Variants in PDGFRL observed in about 807,000 individuals in gnomAD.
PDGFRL encodes the protein platelet derived growth factor receptor like.
A neutral mutation model predicts 37.2 loss-of-function variants in PDGFRL; 46 were observed. That is an observed-to-expected ratio of 1.24 (90% CI 0.98 to 1.58). The LOEUF is 1.58. Ranked by LOEUF, PDGFRL falls within the 40% of genes most tolerant of loss-of-function variation. PDGFRL has a pLI of 0.00. For missense variants in PDGFRL, 692 were observed against 467.6 expected (o/e 1.48, Z -4.43); for synonymous variants, 251 against 184.3 (o/e 1.36, Z -2.93).
At chr8:17,595,001 G>A (rs2720533) in intron 2 of PDGFRL, among the ~76,000 whole-genome samples, 130,169 of 151,274 alleles carry the variant, frequency 0.86, 57,697 homozygotes, top group Non-Finnish European at 0.97. Context: ...GATTTACCAC[G>A]TACATTTTTT....
chr8:17,620,901 T>C (rs902108613), intron 2 of PDGFRL, 150 bp from the exon 3 acceptor site: 16 of 408,578 alleles, frequency 3.9e-5, no homozygotes, highest in African/African-American at 2.3e-4. Flanking sequence ...CTAGGGGTGT[T>C]TGACAAGTCA....
intron 4 of PDGFRL, among the ~76,000 whole-genome samples, chr8:17,630,879 C>T (rs769788601): frequency 1.6e-4 from 24 of 152,120 alleles, no homozygotes; most frequent in Non-Finnish European, 3.2e-4. Flanking sequence ...CCTGGACCCT[C>T]AGCTGGAGGC....
At chr8:17,633,363 G>T (rs1034766071) in intron 4 of PDGFRL, among the ~76,000 whole-genome samples, 1 of 152,156 alleles carries the variant, frequency 6.6e-6, no homozygotes, top group Non-Finnish European at 1.5e-5. Flanking sequence ...AGGAGTTTGA[G>T]GCTGCAGAGA....
intron 3 of PDGFRL, among the ~76,000 whole-genome samples, chr8:17,622,858 G>T (rs1041638077): frequency 6.6e-6 from 1 of 152,246 alleles, no homozygotes; most frequent in African/African-American, 2.4e-5. Flanking sequence ...CATCCTTTCA[G>T]TGTACCTGCA....
chr8:17,598,290 A>T (rs928963356), intron 2 of PDGFRL, among the ~76,000 whole-genome samples: 2 of 152,212 alleles, frequency 1.3e-5, no homozygotes, highest in African/African-American at 4.8e-5. Context: ...CTTATCTGGA[A>T]TGTGAATATA....
intron 5 of PDGFRL, among the ~76,000 whole-genome samples, chr8:17,635,596 A>G (rs35764435): frequency 0.016 from 2,390 of 152,226 alleles, 30 homozygotes; most frequent in Non-Finnish European, 0.026. Context: ...ATGTGTTCAA[A>G]TATCTTTTTC....
intron 2 of PDGFRL, among the ~76,000 whole-genome samples, chr8:17,611,702 T>C (rs1020418917): frequency 2.0e-5 from 3 of 152,140 alleles, no homozygotes; most frequent in African/African-American, 7.2e-5. Context: ...GGTGGTAACG[T>C]GCAATTCTGT....
chr8:17,608,768 A>G (rs1348656126), intron 2 of PDGFRL, among the ~76,000 whole-genome samples: 1 of 152,212 alleles, frequency 6.6e-6, no homozygotes, highest in Admixed American at 6.5e-5. Context: ...GCAACAGAAG[A>G]CAGTGTGTGG....
Position 17,640,195 on chromosome 8 carries a change from T to C in PDGFRL, c.940-2418T>C, listed in dbSNP as rs565795511. ...TTTCCCTTCATATCCTGTATCTTTT[T>C]TGATTTAATTAAGTTGGAGTTCACC... On this transcript the variant is annotated intron_variant, in intron 5 of 5. Coordinates refer to ENST00000251630, the MANE Select transcript of PDGFRL (RefSeq NM_001372073.1). 1.1e-4 allele frequency among the ~76,000 whole-genome samples: 17 copies of C among 149,156 alleles called. No individual in the cohort carries two copies. In the East Asian group the frequency reaches 2.9e-3, roughly 25 times the overall value.
At chr8:17,637,923 C>A (rs1186444846) in intron 5 of PDGFRL, among the ~76,000 whole-genome samples, 2 of 11,690 alleles carry the variant, frequency 1.7e-4, no homozygotes, top group African/African-American at 4.2e-4. Context: ...TATCTTGTTT[C>A]ATTTCTAACT....
chr8:17,621,218 C>T lies in PDGFRL; in HGVS notation c.505+16C>T. ...TTTTTTACAGGTAAAATACTTGGTG[C>T]ATTAATGGAACTCTTCAAACTTCTG... On this transcript the variant is annotated intron_variant, in intron 3 of 5. Coordinates refer to ENST00000251630, the MANE Select transcript of PDGFRL (RefSeq NM_001372073.1). The T allele has an allele frequency of 6.3e-7, 1 of 1,581,116 alleles. No individual in the cohort carries two copies.
At chr8:17,628,852 T>A (rs1232763168) in intron 4 of PDGFRL, 72 bp downstream of exon 4, 1 of 1,003,914 alleles carries the variant, frequency 1.0e-6, no homozygotes, top group Non-Finnish European at 1.5e-6. Context: ...GTTCCCTGCC[T>A]GCAGATGGAA....
chr8:17,597,219 G>GT (rs1227640933), intron 2 of PDGFRL, among the ~76,000 whole-genome samples: 1 of 152,078 alleles, frequency 6.6e-6, no homozygotes, highest in Non-Finnish European at 1.5e-5. Context: ...CTGGCTTTCG[G>GT]TAAGTTGGCC....
Position 17,611,304 on chromosome 8 carries a change from G to T in PDGFRL, c.354-9747G>T, listed in dbSNP as rs545248119. ...GGGAGGCAAAAAGTAAGGACTCTTA[G>T]ATAAGTTATTCAACCCACTTTCACT... is the stretch of plus-strand genomic sequence containing the variant. On this transcript the variant is annotated intron_variant, in intron 2 of 5. Coordinates refer to ENST00000251630, the MANE Select transcript of PDGFRL (RefSeq NM_001372073.1). Among the ~76,000 whole-genome samples the T allele has an allele frequency of 2.6e-5, 4 of 152,358 alleles. No individual in the cohort carries two copies. The East Asian group carries it at 5.8e-4, about 22-fold the overall frequency.
chr8:17,586,904 C>A (rs1278644346), intron 1 of PDGFRL, among the ~76,000 whole-genome samples: 1 of 152,154 alleles, frequency 6.6e-6, no homozygotes, highest in Non-Finnish European at 1.5e-5. Context: ...TTGAATTTTG[C>A]CACCTATTTC....
chr8:17,595,014 T>C (rs201911338), intron 2 of PDGFRL, among the ~76,000 whole-genome samples: 4,235 of 152,286 alleles, frequency 0.028, 149 homozygotes, highest in African/African-American at 0.079. Context: ...CATTTTTTTT[T>C]TTTCCTGATG....
At chr8:17,609,656 A>AAAAAAAAAAAAAAAAAAC (rs1804364653) in intron 2 of PDGFRL, among the ~76,000 whole-genome samples, 1 of 102,334 alleles carries the variant, frequency 9.8e-6, no homozygotes, top group African/African-American at 3.4e-5. Flanking sequence ...AAAAAAAAAA[A>AAAAAAAAAAAAAAAAAAC]AAAAAAAAAT....
intron 2 of PDGFRL, among the ~76,000 whole-genome samples, chr8:17,604,216 C>T (rs367852395): frequency 3.9e-5 from 6 of 152,058 alleles, no homozygotes; most frequent in African/African-American, 1.4e-4. Context: ...ACCATTTGAC[C>T]CAGCCATCCC....
At chr8:17,625,206 C>G (rs1804709560) in intron 3 of PDGFRL, among the ~76,000 whole-genome samples, 1 of 129,506 alleles carries the variant, frequency 7.7e-6, no homozygotes, top group Admixed American at 9.7e-5. Context: ...GATTGGAGTG[C>G]AGTGGCACCA....
Sources: allele counts gnomAD v4.1 joint callset (sites outside exome capture counted in the v4.1 genomes callset), GRCh38; gene constraint gnomAD v4.1.1; transcripts MANE v1.5; gene names NCBI Gene and HGNC (gene_info 2026-07-23, HGNC 2026-07-21).